Variants in DPYD observed in about 807,000 individuals in gnomAD.
DPYD encodes dihydropyrimidine dehydrogenase, also known as dihydropyrimidine dehydrogenase [NADP(+)].
DPYD carries 109 observed loss-of-function variants against 116.2 expected under a neutral mutation model. The ratio of observed to expected loss-of-function variants is 0.94; its 90% confidence interval spans 0.80 to 1.10. The LOEUF is 1.10. DPYD is among the 50% of genes least tolerant of loss of function. The pLI is 0.00. For synonymous variants in DPYD, 440 were observed against 432.0 expected, an observed-to-expected ratio of 1.02 and a Z score of -0.23; for missense variants, 1,302 against 1,254.5, an observed-to-expected ratio of 1.04 and a Z score of -0.57.
At chr1:97,245,732 G>T (rs1047629568) in intron 18 of DPYD, among the ~76,000 whole-genome samples, 2 of 152,070 alleles carry the variant, frequency 1.3e-5, no homozygotes, top group African/African-American at 4.8e-5. Flanking sequence ...ATAAAAAAGA[G>T]GTTCCACATC....
intron 14 of DPYD, among the ~76,000 whole-genome samples, chr1:97,449,529 G>T (rs1194600576): frequency 6.6e-6 from 1 of 151,978 alleles, no homozygotes; most frequent in African/African-American, 2.4e-5. Flanking sequence ...TTATATTCAA[G>T]CCTGATTTTA....
At chr1:97,650,726 AT>A (rs1359123448) in intron 8 of DPYD, among the ~76,000 whole-genome samples, 1 of 152,074 alleles carries the variant, frequency 6.6e-6, no homozygotes, top group Non-Finnish European at 1.5e-5. Context: ...TCTAATATAG[AT>A]TATTCCAAGT....
At chr1:97,589,389 G>A (rs1321914092) in intron 10 of DPYD, among the ~76,000 whole-genome samples, 2 of 152,172 alleles carry the variant, frequency 1.3e-5, no homozygotes, top group Non-Finnish European at 2.9e-5. Flanking sequence ...TCATGATGGT[G>A]AGTGAGTTCT....
intron 11 of DPYD, among the ~76,000 whole-genome samples, chr1:97,552,411 T>A (rs1358014812): frequency 6.6e-6 from 1 of 152,108 alleles, no homozygotes; most frequent in Non-Finnish European, 1.5e-5. Flanking sequence ...CCATAAGTAG[T>A]CAGGAAATGT....
At chr1:97,251,246 A>G (rs1663066570) in intron 18 of DPYD, among the ~76,000 whole-genome samples, 1 of 151,832 alleles carries the variant, frequency 6.6e-6, no homozygotes. Flanking sequence ...AAAATACAAA[A>G]TCAGTTGGTC....
chr1:97,797,255 A>T (rs577148908), intron 3 of DPYD: 1 of 152,300 alleles, frequency 6.6e-6, no homozygotes, highest in South Asian at 2.1e-4. Flanking sequence ...ATATGCTTCA[A>T]TGAAAAGCAG....
chr1:97,470,478 A>T (rs927514731), intron 13 of DPYD, among the ~76,000 whole-genome samples: 12 of 152,228 alleles, frequency 7.9e-5, no homozygotes, highest in African/African-American at 9.6e-5. Context: ...CCATGAATTA[A>T]CATTTTTACC....
chr1:97,424,072 TCTA>T (rs1490222349), intron 14 of DPYD, among the ~76,000 whole-genome samples: 1 of 152,122 alleles, frequency 6.6e-6, no homozygotes, highest in African/African-American at 2.4e-5. Flanking sequence ...TTTATTTTTA[TCTA>T]CTAATGATAA....
chr1:97,660,973 AAACCC>A (rs1319042717), intron 8 of DPYD, among the ~76,000 whole-genome samples: 1 of 152,118 alleles, frequency 6.6e-6, no homozygotes, highest in Non-Finnish European at 1.5e-5. Flanking sequence ...TAGGAAAACA[AAACCC>A]AACTGACAAA....
chr1:97,256,702 T>C (rs1663500657), intron 18 of DPYD, among the ~76,000 whole-genome samples: 1 of 152,032 alleles, frequency 6.6e-6, no homozygotes, highest in Non-Finnish European at 1.5e-5. Context: ...ACTAATACAC[T>C]TCCTCTTATT....
At chr1:97,456,297 G>T (rs893557434) in intron 13 of DPYD, among the ~76,000 whole-genome samples, 3 of 151,986 alleles carry the variant, frequency 2.0e-5, no homozygotes, top group African/African-American at 7.2e-5. Context: ...AAAATGGGGT[G>T]TTGTCTATTT....
chr1:97,429,686 C>T (rs1331615409), intron 14 of DPYD, among the ~76,000 whole-genome samples: 1 of 152,042 alleles, frequency 6.6e-6, no homozygotes, highest in Non-Finnish European at 1.5e-5. Flanking sequence ...TAAAGTATGT[C>T]TACTACTCAG....
At chr1:97,342,691 G>C (rs1188222386) in intron 16 of DPYD, among the ~76,000 whole-genome samples, 4 of 152,170 alleles carry the variant, frequency 2.6e-5, no homozygotes, top group African/African-American at 9.6e-5. Flanking sequence ...TGAAAGTTTA[G>C]CACTGATGAA....
intron 19 of DPYD, 151 bp from the exon 20 acceptor site, chr1:97,193,399 T>C (rs1658527263): frequency 5.1e-6 from 4 of 783,372 alleles, no homozygotes; most frequent in Non-Finnish European, 8.6e-6. Context: ...ATGGGGGTGG[T>C]GGGGAGGAAT....
At position 97,411,323 on chromosome 1, in the gene DPYD, C is replaced by T. The variant is rs551494946; in HGVS notation, c.1906-28862G>A. 2.6e-5 allele frequency among the ~76,000 whole-genome samples: 4 copies of T among 152,244 alleles called. No homozygotes were observed. The South Asian group carries it at 8.3e-4, about 32-fold the overall frequency. The stretch of plus-strand genomic sequence containing the variant: ...CTAATGATCCTGTGTACTATTCCTG[C>T]ACAAATCAAGTCAACTTCACTTTTT... On this transcript the variant is annotated intron_variant, in intron 14 of 22. Coordinates refer to ENST00000370192, the MANE Select transcript of DPYD (RefSeq NM_000110.4).
chr1:97,631,674 C>A (rs1359941478), intron 8 of DPYD, among the ~76,000 whole-genome samples: 1 of 151,952 alleles, frequency 6.6e-6, no homozygotes, highest in Admixed American at 6.6e-5. Flanking sequence ...AAAAGACACA[C>A]ATACATACCA....
chr1:97,691,553 A>G (rs888150402), intron 7 of DPYD, 164 bp downstream of exon 7: 11 of 611,010 alleles, frequency 1.8e-5, no homozygotes, highest in Non-Finnish European at 3.2e-5. Context: ...TTCAGACAGT[A>G]GACAGACAAA....
intron 3 of DPYD, among the ~76,000 whole-genome samples, chr1:97,770,836 T>A (rs1163401381): frequency 2.0e-5 from 3 of 152,194 alleles, no homozygotes; most frequent in African/African-American, 7.2e-5. Flanking sequence ...AAATGATATG[T>A]GCACACATAT....
intron 16 of DPYD, among the ~76,000 whole-genome samples, chr1:97,339,837 G>A (rs768855306): frequency 7.2e-5 from 11 of 152,158 alleles, no homozygotes; most frequent in Admixed American, 2.6e-4. Flanking sequence ...ATTAAAACCC[G>A]TAACAAAGAG....
Sources: allele counts gnomAD v4.1 joint callset (sites outside exome capture counted in the v4.1 genomes callset), GRCh38; gene constraint gnomAD v4.1.1; transcripts MANE v1.5; gene names NCBI Gene and HGNC (gene_info 2026-07-23, HGNC 2026-07-21).